The following VDAC2 variants were observed in gnomAD, a reference collection of about 807,000 sequenced individuals.
VDAC2 encodes the protein non-selective voltage-gated ion channel VDAC2.
In VDAC2, 6 loss-of-function variants were observed where a neutral mutation model predicts 36.6. The ratio of observed to expected loss-of-function variants is 0.16; its 90% CI spans 0.09 to 0.32. VDAC2 has a LOEUF of 0.32. Ranked by LOEUF, VDAC2 falls within the 10% of genes least tolerant of loss-of-function variation. The pLI, the probability that VDAC2 is intolerant of heterozygous loss-of-function variation, is 1.00. For synonymous variants in VDAC2, 109 were observed against 123.8 expected (o/e 0.88, Z 0.79); for missense variants, 247 against 346.0 (o/e 0.71, Z 2.27).
At chr10:75,229,056 A>C (rs953639249) in intron 8 of VDAC2, among the ~76,000 whole-genome samples, 4 of 152,218 alleles carry the variant, frequency 2.6e-5, no homozygotes, top group African/African-American at 9.7e-5. Context: ...CAGTGGTTAC[A>C]TACAGCCAGA....
chr10:75,216,721 G>A (rs542204858), intron 4 of VDAC2, among the ~76,000 whole-genome samples: 1 of 152,152 alleles, frequency 6.6e-6, no homozygotes, highest in Non-Finnish European at 1.5e-5. Context: ...CTCTTGATCT[G>A]TGGGCTGATG....
rs368993380 is a variant in VDAC2, at chr10:75,210,859, T to C, written c.-105T>C. ...CACTTCGCCCTCCAGCTGCTGGAGC[T>C]GCAGCCCGACCGCGAGCGTGCCAAG... On this transcript the variant is annotated 5_prime_UTR_variant, in exon 1 of 10. Transcript: ENST00000332211. 5.4e-4 allele frequency: 183 copies of C among 339,520 alleles called. 1 individual carries two copies. In the South Asian group the frequency reaches 0.016, roughly 29 times the overall value. 21.0% of individuals were successfully genotyped at this position (339,520 alleles called of 1,614,324 possible).
chr10:75,222,515 A>G (rs1166569564), intron 8 of VDAC2, 113 bp downstream of exon 8: 4 of 1,391,012 alleles, frequency 2.9e-6, no homozygotes, highest in East Asian at 2.3e-5. Context: ...CAGTTTACAG[A>G]TAGATTAGTT....
At chr10:75,227,502 A>G (rs1416854221) in intron 8 of VDAC2, among the ~76,000 whole-genome samples, 8 of 151,450 alleles carry the variant, frequency 5.3e-5, no homozygotes, top group Middle Eastern at 3.5e-3. Flanking sequence ...GAGAGTATAG[A>G]GGGAGAAACT....
chr10:75,231,078 CA>C lies in VDAC2; in HGVS notation c.*91del. 14 of 928,154 alleles carry C rather than the reference CA, an allele frequency of 1.5e-5. No individual in the cohort carries two copies. The highest frequency in any genetic ancestry group is 2.3e-5 in the Non-Finnish European group (14 of 606,670). 57.5% of individuals were successfully genotyped at this position (928,154 alleles called of 1,614,324 possible). Reference sequence around the variant, plus strand: ...TGACCAGCAGCAGGCTTTTTTCCCCCAAGAAGATGATCAAAACAAAGGATGA... The same window carrying C: ...TGACCAGCAGCAGGCTTTTTTCCCCCAGAAGATGATCAAAACAAAGGATGA... On this transcript the variant is annotated 3_prime_UTR_variant, in exon 10 of 10. Transcript: ENST00000332211.
At chr10:75,218,152 A>G in intron 4 of VDAC2, 2 of 348,780 alleles carry the variant, frequency 5.7e-6, no homozygotes, top group Non-Finnish European at 1.1e-5. Context: ...GTGTGCAACC[A>G]GGGATTGGCA....
intron 7 of VDAC2, 59 bp downstream of exon 7, chr10:75,221,029 C>G: frequency 6.7e-7 from 1 of 1,499,526 alleles, no homozygotes; most frequent in Non-Finnish European, 9.1e-7. Flanking sequence ...ATTTTGATGT[C>G]TGTCATCTTA....
At chr10:75,226,948 C>T (rs1475835003) in intron 8 of VDAC2, among the ~76,000 whole-genome samples, 1 of 152,122 alleles carries the variant, frequency 6.6e-6, no homozygotes, top group Non-Finnish European at 1.5e-5. Flanking sequence ...ATTAATCGTG[C>T]CTTTGTAATG....
At chr10:75,211,110 C>T (rs766357950) in intron 1 of VDAC2, 24 bp from the exon 2 acceptor site, 18 of 1,595,720 alleles carry the variant, frequency 1.1e-5, no homozygotes, top group Non-Finnish European at 1.4e-5. Context: ...CCCCAGCTTA[C>T]CGCACTTCTT....
At chr10:75,221,105 C>A in intron 7 of VDAC2, 135 bp downstream of exon 7, 1 of 942,170 alleles carries the variant, frequency 1.1e-6, no homozygotes. Context: ...TTGGTCATTT[C>A]TAGGGTGCCC....
chr10:75,226,259 AG>A (rs57997861), intron 8 of VDAC2, among the ~76,000 whole-genome samples: 11,875 of 152,072 alleles, frequency 0.078, 644 homozygotes, highest in African/African-American at 0.14. Context: ...GTTTGAAACC[AG>A]GGGGTGGCCT....
chr10:75,229,560 C>A, intron 8 of VDAC2, 84 bp from the exon 9 acceptor site: 1 of 1,101,854 alleles, frequency 9.1e-7, no homozygotes, highest in Non-Finnish European at 1.3e-6. Flanking sequence ...CTGAACACTT[C>A]ATGATTACAT....
chr10:75,211,992 C>T lies in VDAC2; in HGVS notation c.32-238C>T, dbSNP rs116445728. 2.4e-3 allele frequency among the ~76,000 whole-genome samples: 373 copies of T among 152,278 alleles called. 2 individuals carry two copies. The highest frequency in any genetic ancestry group is 8.1e-3 in the African/African-American group (338 of 41,558). ...GGCTGTAGGTAATAGACTGTTTTTC[C>T]GTTTTGAAACGAATTCCCCAAGTTT... On this transcript the variant is annotated intron_variant, in intron 2 of 9. Coordinates refer to ENST00000332211, the MANE Select transcript of VDAC2 (RefSeq NM_001391963.1).
At chr10:75,230,633 CAACAT>C (rs1842074955) in intron 9 of VDAC2, among the ~76,000 whole-genome samples, 1 of 152,196 alleles carries the variant, frequency 6.6e-6, no homozygotes, top group Non-Finnish European at 1.5e-5. Context: ...ATAGTATACT[CAACAT>C]TATAGTATAT....
intron 3 of VDAC2, among the ~76,000 whole-genome samples, chr10:75,213,033 C>T (rs911486647): frequency 6.6e-6 from 1 of 152,078 alleles, no homozygotes; most frequent in Non-Finnish European, 1.5e-5. Flanking sequence ...TGGAAATACC[C>T]CATTGGCATA....
chr10:75,214,920 T>C (rs1006282790), intron 4 of VDAC2, among the ~76,000 whole-genome samples: 1 of 152,190 alleles, frequency 6.6e-6, no homozygotes, highest in Non-Finnish European at 1.5e-5. Flanking sequence ...TTTAACTTTT[T>C]TCGAGACAGG....
At chr10:75,226,192 C>G (rs905049034) in intron 8 of VDAC2, among the ~76,000 whole-genome samples, 5 of 152,224 alleles carry the variant, frequency 3.3e-5, no homozygotes, top group African/African-American at 1.2e-4. Flanking sequence ...TATATAAATG[C>G]AACAAGTGTA....
intron 6 of VDAC2, among the ~76,000 whole-genome samples, chr10:75,220,212 T>C (rs926867188): frequency 3.9e-5 from 6 of 152,038 alleles, no homozygotes; most frequent in African/African-American, 1.4e-4. Context: ...TTGAAGCGAT[T>C]CTCCTGCCTC....
At chr10:75,227,615 TTTGTTAC>T (rs1366504000) in intron 8 of VDAC2, among the ~76,000 whole-genome samples, 1 of 133,324 alleles carries the variant, frequency 7.5e-6, no homozygotes, top group Non-Finnish European at 1.5e-5. Context: ...AGAGTCTCAC[TTTGTTAC>T]CCTGGCTGGA....
Sources: gnomAD v4.1 joint callset for allele counts (sites outside exome capture counted in the v4.1 genomes callset) on GRCh38, gnomAD v4.1.1 for gene constraint, MANE v1.5 for transcripts, NCBI Gene and HGNC (gene_info 2026-07-23, HGNC 2026-07-21) for gene names.